ZNF608: variants seen among roughly 807,000 people sequenced by gnomAD.
ZNF608 encodes the protein renal carcinoma antigen NY-REN-36.
A neutral mutation model predicts 109.0 loss-of-function variants in ZNF608; 12 were observed. The observed-to-expected ratio is 0.11, with a 90% CI of 0.07 to 0.18. The LOEUF is 0.18. Ranked by LOEUF, ZNF608 falls within the 10% of genes least tolerant of loss-of-function variation. ZNF608 has a pLI of 1.00. For missense variants in ZNF608, 1,707 were observed against 1,879.3 expected (o/e 0.91, Z 1.70); for synonymous variants, 732 against 717.4 (o/e 1.02, Z -0.33).
chr5:124,710,154 G>A (rs768369631), intron 2 of ZNF608: 4 of 441,542 alleles, frequency 9.1e-6, no homozygotes, highest in South Asian at 1.6e-5. Context: ...TTGAAATCAG[G>A]GAAAGGTTAG....
chr5:124,668,679 T>C (rs1751585783), intron 3 of ZNF608, among the ~76,000 whole-genome samples: 1 of 152,188 alleles, frequency 6.6e-6, no homozygotes, highest in Admixed American at 6.5e-5. Context: ...CCAGTGAGCA[T>C]AATGTTCCTT....
At chr5:124,649,917 G>A (rs1025851003) in intron 3 of ZNF608, among the ~76,000 whole-genome samples, 1 of 152,232 alleles carries the variant, frequency 6.6e-6, no homozygotes, top group Non-Finnish European at 1.5e-5. Context: ...TGCGCATGTG[G>A]TACAAAGGAG....
chr5:124,660,887 T>C (rs867323050), intron 3 of ZNF608, among the ~76,000 whole-genome samples: 4 of 152,314 alleles, frequency 2.6e-5, no homozygotes, highest in Middle Eastern at 3.4e-3. Flanking sequence ...GAAATGCAGC[T>C]GGCAGCAAGC....
At chr5:124,748,688 A>C, upstream of ZNF608, 1 of 625,576 alleles carries the variant, frequency 1.6e-6, no homozygotes, top group Non-Finnish European at 2.0e-6. Flanking sequence ...TATTTTTTAT[A>C]AAAGCAAAAA....
At chr5:124,651,491 A>G (rs963047218) in intron 3 of ZNF608, among the ~76,000 whole-genome samples, 1 of 152,224 alleles carries the variant, frequency 6.6e-6, no homozygotes, top group African/African-American at 2.4e-5. Flanking sequence ...AGGTTACTGC[A>G]TTTTAGCTTT....
intron 3 of ZNF608, among the ~76,000 whole-genome samples, chr5:124,667,969 C>T (rs1377848701): frequency 3.3e-5 from 5 of 152,030 alleles, no homozygotes; most frequent in African/African-American, 4.8e-5. Context: ...TAGTTGGTCA[C>T]GTGCTAAATA....
intron 3 of ZNF608, among the ~76,000 whole-genome samples, chr5:124,690,076 A>T (rs1752552859): frequency 6.6e-6 from 1 of 152,232 alleles, no homozygotes; most frequent in Non-Finnish European, 1.5e-5. Context: ...CCACAAGAAG[A>T]CATGGAAGAA....
intron 3 of ZNF608, among the ~76,000 whole-genome samples, chr5:124,660,839 T>C (rs1170597063): frequency 6.6e-6 from 1 of 152,206 alleles, no homozygotes; most frequent in African/African-American, 2.4e-5. Context: ...AGCTGAAGAA[T>C]GGAAGGAGAT....
At chr5:124,638,810 AT>A (rs1205495270) in intron 9 of ZNF608, 1 of 1,102,620 alleles carries the variant, frequency 9.1e-7, no homozygotes, top group Non-Finnish European at 1.1e-6. Flanking sequence ...AAATGTCTCC[AT>A]TTGCGACTTT....
Sources: gnomAD v4.1 joint callset for allele counts (sites outside exome capture counted in the v4.1 genomes callset) on GRCh38, gnomAD v4.1.1 for gene constraint, MANE v1.5 for transcripts, NCBI Gene and HGNC (gene_info 2026-07-23, HGNC 2026-07-21) for gene names.